Variants in CTNNA3 observed in about 807,000 individuals in gnomAD.
CTNNA3 encodes the protein catenin alpha-3.
CTNNA3 carries 76 observed loss-of-function variants against 95.7 expected under a neutral mutation model. That is an observed-to-expected ratio of 0.79 (90% confidence interval 0.66 to 0.96). CTNNA3 has a LOEUF of 0.96. Among genes scored for constraint, CTNNA3 ranks in the 40% least tolerant of loss-of-function variants. The pLI is 0.00. For synonymous variants in CTNNA3, 431 were observed against 374.4 expected (o/e 1.15, Z -1.74); for missense variants, 1,191 against 1,089.8 (o/e 1.09, Z -1.31).
intron 11 of CTNNA3, among the ~76,000 whole-genome samples, chr10:66,478,510 GTAAAC>G: frequency 6.6e-6 from 1 of 151,764 alleles, no homozygotes; most frequent in South Asian, 2.1e-4. Context: ...TTAAACATGT[GTAAAC>G]TAATTTCATA....
At chr10:66,685,355 T>A (rs1434117239) in intron 9 of CTNNA3, among the ~76,000 whole-genome samples, 93 of 10,336 alleles carry the variant, frequency 9.0e-3, no homozygotes, top group Middle Eastern at 0.083. Flanking sequence ...ATATATATTT[T>A]TTTTTTTTTT....
rs145651443 is a variant in CTNNA3, at chr10:66,885,347, C to T, written c.1048-109823G>A. On this transcript the variant is annotated intron_variant, in intron 7 of 17. Coordinates refer to ENST00000433211, the MANE Select transcript of CTNNA3 (RefSeq NM_013266.4). Reference sequence around the variant, plus strand: ...TAATATGGACTGTATTAATGTGAGGCTAAGAGTTATATGTAATATCCCTTT... The same window carrying T: ...TAATATGGACTGTATTAATGTGAGGTTAAGAGTTATATGTAATATCCCTTT... 5.6e-3 allele frequency among the ~76,000 whole-genome samples: 857 copies of T among 152,200 alleles called. 5 individuals carry two copies. Among genetic ancestry groups the T allele is most frequent in the African/African-American group, 0.019 (798 of 41,542 alleles).
intron 7 of CTNNA3, among the ~76,000 whole-genome samples, chr10:66,864,001 C>T (rs1281235329): frequency 2.6e-5 from 4 of 152,074 alleles, no homozygotes; most frequent in Admixed American, 2.6e-4. Context: ...CTACCAAAAT[C>T]CTACCAAATC....
chr10:66,068,372 T>G (rs970862399), intron 15 of CTNNA3, among the ~76,000 whole-genome samples: 8 of 152,292 alleles, frequency 5.3e-5, no homozygotes, highest in African/African-American at 1.9e-4. Flanking sequence ...TTGATGTACA[T>G]TTTTTGAAGT....
intron 15 of CTNNA3, among the ~76,000 whole-genome samples, chr10:66,062,618 C>T (rs2080225857): frequency 6.6e-6 from 1 of 152,134 alleles, no homozygotes; most frequent in African/African-American, 2.4e-5. Context: ...CATTTTAAAA[C>T]AATTGGAGAT....
chr10:66,805,935 T>C (rs1841623036), intron 7 of CTNNA3, among the ~76,000 whole-genome samples: 1 of 152,100 alleles, frequency 6.6e-6, no homozygotes, highest in African/African-American at 2.4e-5. Context: ...AAGGAAGTTT[T>C]TTCAGCTTTC....
chr10:67,340,840 T>C (rs1842157163), intron 5 of CTNNA3, among the ~76,000 whole-genome samples: 1 of 152,138 alleles, frequency 6.6e-6, no homozygotes, highest in African/African-American at 2.4e-5. Context: ...AAACATCTAG[T>C]GGATATTGTC....
At chr10:67,201,856 C>T (rs775668450) in intron 6 of CTNNA3, among the ~76,000 whole-genome samples, 3 of 152,130 alleles carry the variant, frequency 2.0e-5, no homozygotes, top group Non-Finnish European at 4.4e-5. Flanking sequence ...GTATAAGGTA[C>T]CTTGTTCAAA....
chr10:66,458,634 C>T (rs11592249), intron 11 of CTNNA3, among the ~76,000 whole-genome samples: 19,513 of 152,072 alleles, frequency 0.13, 1,589 homozygotes, highest in African/African-American at 0.23. Flanking sequence ...TCTGCCTCTA[C>T]GGATTTAACT....
In CTNNA3 at chr10:65,917,755, T is replaced by A. The variant is rs566124235; in HGVS notation, c.*2575A>T. 27 of 152,242 alleles carry A rather than the reference T, an allele frequency of 1.8e-4. 1 individual carries two copies. In the East Asian group the frequency reaches 5.2e-3, roughly 29 times the overall value. The allele number at this position is 152,242 out of a possible 1,614,324, so 9.4% of individuals were successfully genotyped here. A position where few individuals can be genotyped will look rare whatever the true frequency, so the allele number is the denominator to read the frequency against. ...ACTCTCATTAAGAAATTTCTGGCAA[T>A]CCTCTGCAGAAGAAATACCTAAATA... is the stretch of plus-strand genomic sequence containing the variant. On this transcript the variant is annotated 3_prime_UTR_variant, in exon 18 of 18. Transcript: ENST00000433211.
chr10:66,490,564 C>T (rs1482292145), intron 11 of CTNNA3, among the ~76,000 whole-genome samples: 3 of 152,146 alleles, frequency 2.0e-5, no homozygotes, highest in Non-Finnish European at 4.4e-5. Flanking sequence ...TATATAAGTT[C>T]ATGAACCAGA....
chr10:67,380,630 T>C (rs565844683), intron 5 of CTNNA3, among the ~76,000 whole-genome samples: 1 of 152,316 alleles, frequency 6.6e-6, no homozygotes, highest in East Asian at 1.9e-4. Flanking sequence ...ATGGTACATA[T>C]TCTATATGCA....
intron 7 of CTNNA3, among the ~76,000 whole-genome samples, chr10:66,932,562 A>G (rs1315783198): frequency 6.6e-6 from 1 of 152,188 alleles, no homozygotes; most frequent in Non-Finnish European, 1.5e-5. Flanking sequence ...TACCTACACT[A>G]AAAATCAGAG....
intron 3 of CTNNA3, among the ~76,000 whole-genome samples, chr10:67,555,156 G>A (rs942364603): frequency 6.6e-6 from 1 of 152,136 alleles, no homozygotes; most frequent in Non-Finnish European, 1.5e-5. Context: ...TGGTTATGTA[G>A]TCTTGTAGTT....
intron 14 of CTNNA3, among the ~76,000 whole-genome samples, chr10:66,086,519 A>G (rs2080991073): frequency 6.6e-6 from 1 of 152,218 alleles, no homozygotes; most frequent in Middle Eastern, 3.4e-3. Flanking sequence ...GAATAAACAT[A>G]TGTTTGCAAA....
intron 5 of CTNNA3, among the ~76,000 whole-genome samples, chr10:67,290,474 A>C (rs980498877): frequency 3.3e-5 from 5 of 152,140 alleles, no homozygotes; most frequent in African/African-American, 1.2e-4. Flanking sequence ...GATATGCAAA[A>C]CCATAAAAAT....
In CTNNA3 at chr10:67,219,835, T is replaced by C; in HGVS notation, c.615A>G (p.Ala205=). 1 of 1,612,700 alleles carries C rather than the reference T, an allele frequency of 6.2e-7. No individual in the cohort carries two copies. The highest frequency in any genetic ancestry group is 8.5e-7 in the Non-Finnish European group (1 of 1,179,012). Residue 205 remains alanine (A), a synonymous_variant, in exon 6 of 18, where the codon GCA becomes GCG. Coordinates refer to ENST00000433211, the MANE Select transcript of CTNNA3 (RefSeq NM_013266.4). The part of the protein sequence containing the change: ...LKSPNQRDEI[A]GARASLKENS... ...TCTCCTTCAGTGAAGCTCGGGCTCC[T>C]GCAATTTCATCTCTCTGATTTGGAG...
chr10:66,542,217 A>G (rs1454009244), intron 10 of CTNNA3, among the ~76,000 whole-genome samples: 1 of 152,174 alleles, frequency 6.6e-6, no homozygotes, highest in Non-Finnish European at 1.5e-5. Flanking sequence ...TAGAATGGCA[A>G]TCATTAAAAA....
chr10:67,330,394 A>G (rs1841729768), intron 5 of CTNNA3, among the ~76,000 whole-genome samples: 1 of 152,244 alleles, frequency 6.6e-6, no homozygotes, highest in African/African-American at 2.4e-5. Flanking sequence ...CATCTGTGAA[A>G]TGGAGATAAC....
Sources: allele counts gnomAD v4.1 joint callset (sites outside exome capture counted in the v4.1 genomes callset), GRCh38; gene constraint gnomAD v4.1.1; transcripts MANE v1.5; gene names NCBI Gene and HGNC (gene_info 2026-07-23, HGNC 2026-07-21).